The following MLXIPL variants were observed in gnomAD, a reference collection of about 807,000 sequenced individuals.
The protein encoded by MLXIPL is carbohydrate-responsive element-binding protein.
Under a neutral mutation model 81.5 loss-of-function variants are expected in MLXIPL, and 49 were observed. The observed-to-expected ratio is 0.60, with a 90% confidence interval of 0.48 to 0.76. The LOEUF is 0.76. Ranked by LOEUF, MLXIPL falls within the 30% of genes least tolerant of loss-of-function variation. The pLI, the probability that MLXIPL is intolerant of heterozygous loss-of-function variation, is 0.00. For synonymous variants in MLXIPL, 466 were observed against 485.5 expected, an observed-to-expected ratio of 0.96 and a Z score of 0.53; for missense variants, 1,053 against 1,167.0, an observed-to-expected ratio of 0.90 and a Z score of 1.42.
chr7:73,616,634 G>T (rs1461415472), intron 1 of MLXIPL, among the ~76,000 whole-genome samples: 8 of 152,066 alleles, frequency 5.3e-5, no homozygotes, highest in African/African-American at 1.9e-4. Context: ...GATCGCCTGA[G>T]GTCAGGAGTT....
At chr7:73,607,235 G>T (rs1795357369) in intron 4 of MLXIPL, 96 bp downstream of exon 4, 1 of 1,365,000 alleles carries the variant, frequency 7.3e-7, no homozygotes, top group Non-Finnish European at 1.0e-6. Flanking sequence ...CAAGCTCGGG[G>T]GTCAGGATCC....
At chr7:73,629,931 G>C in the MLXIPL span, among the ~76,000 whole-genome samples, 1 of 151,962 alleles carries the variant, frequency 6.6e-6, no homozygotes, top group African/African-American at 2.4e-5. Context: ...TAGCAGGTCC[G>C]CAGGATCTTC....
At chr7:73,627,755 C>T (rs62466318), upstream of MLXIPL, among the ~76,000 whole-genome samples, 24,864 of 151,938 alleles carry the variant, frequency 0.16, 2,137 homozygotes, top group Non-Finnish European at 0.19. Flanking sequence ...CTAAGAGGAG[C>T]GGGTGGGGTG....
chr7:73,596,421 G>A lies in MLXIPL; in HGVS notation c.1881C>T (p.Ser627=), dbSNP rs142457635. Residue 627 remains serine (S), a synonymous_variant, in exon 12 of 17, where the codon AGC becomes AGT. Coordinates refer to ENST00000313375, the MANE Select transcript of MLXIPL (RefSeq NM_032951.3). The surrounding 1 kb of genome is among the most constrained non-coding windows in gnomAD (Gnocchi z 4.7). ...TGGGTTGCGGGGGAGAGACACGGACGCTCAGAGTCCCAGGGCCTGGCATGG... is the reference window on the plus strand; with the variant it reads ...TGGGTTGCGGGGGAGAGACACGGACACTCAGAGTCCCAGGGCCTGGCATGG... ...LSSMPGPGTL[S]VRVSPPQPIL... 23 of 1,612,734 alleles carry A rather than the reference G, an allele frequency of 1.4e-5. No individual in the cohort carries two copies. The highest frequency in any genetic ancestry group is 2.2e-5 in the East Asian group (1 of 44,848).
In MLXIPL at chr7:73,607,273, G is replaced by A. The variant is rs868925879; in HGVS notation, c.573+58C>T. ...TTTCCAGGGATCTTCCGAGGCGGGC[G>A]GTAGCCGGCAGCCGCAGGAGGAAAG... On this transcript the variant is annotated intron_variant, in intron 4 of 16. Transcript: ENST00000313375. 19 of 1,498,624 alleles carry A rather than the reference G, an allele frequency of 1.3e-5. No homozygotes were observed. In the Middle Eastern group the frequency reaches 6.8e-4, roughly 54 times the overall value. The allele number at this position is 1,498,624 out of a possible 1,614,324, so 92.8% of individuals were successfully genotyped here. A position where few individuals can be genotyped will look rare whatever the true frequency, so the allele number is the denominator to read the frequency against.
chr7:73,624,074 G>T, intron 1 of MLXIPL, 126 bp downstream of exon 1: 1 of 1,300,122 alleles, frequency 7.7e-7, no homozygotes, highest in Non-Finnish European at 1.0e-6. Context: ...CGTGATCGGA[G>T]CCTCCGGGAG....
In MLXIPL at chr7:73,623,238, A is replaced by G. The variant is rs1554602693; in HGVS notation, c.293+962T>C. On this transcript the variant is annotated intron_variant, in intron 1 of 16. Coordinates refer to ENST00000313375, the MANE Select transcript of MLXIPL (RefSeq NM_032951.3). This position sits in a 1 kb window ranked among gnomAD's most constrained non-coding sequence, Gnocchi z 5.7. ...TGCCGATCTGTAGCCAGCGGTTCTC[A>G]GAAGGGGAGGAGGCGCCGCGGAGGA... Among the ~76,000 whole-genome samples the G allele has an allele frequency of 6.6e-6, 1 of 152,218 alleles. No individual in the cohort carries two copies. Among genetic ancestry groups the G allele is most frequent in the Non-Finnish European group, 1.5e-5 (1 of 68,036 alleles).
At chr7:73,628,709 C>G (rs548157100), upstream of MLXIPL, among the ~76,000 whole-genome samples, 1 of 152,358 alleles carries the variant, frequency 6.6e-6, no homozygotes, top group African/African-American at 2.4e-5. Flanking sequence ...CAGATAATAG[C>G]ACAGCCATGT....
Position 73,595,882 on chromosome 7 carries a change from G to T in MLXIPL, c.2146C>A (p.Gln716Lys), listed in dbSNP as rs1433081172. The part of the protein sequence containing the change: ...ERAGLQEEAQ[Q>K]LRDEIEELNA... ...AGCTCCTCAATCTCATCCCGCAGCT[G>T]CTGGGCCTCCTCCTGCAAGCCCGCA... The change falls in exon 14 of 17, where the codon CAG (glutamine) becomes AAG (lysine). Residue 716 changes from glutamine to lysine, a missense_variant. Gln to Lys is a moderately conservative substitution (Grantham distance 53). Coordinates refer to ENST00000313375, the MANE Select transcript of MLXIPL (RefSeq NM_032951.3). The T allele has an allele frequency of 6.2e-7, 1 of 1,612,188 alleles. No individual in the cohort carries two copies. The highest frequency in any genetic ancestry group is 8.5e-7 in the Non-Finnish European group (1 of 1,179,500).
rs1794289606 is a variant in MLXIPL at position 73,596,278 on chromosome 7, G to A, written c.1939-6C>T. 6.2e-7 allele frequency: 1 copy of A among 1,613,396 alleles called. No individual in the cohort carries two copies. Among genetic ancestry groups the A allele is most frequent in the Non-Finnish European group, 8.5e-7 (1 of 1,179,880 alleles). The stretch of plus-strand genomic sequence containing the variant: ...GTGATACGCCGGTTCTCGGTCTCGG[G>A]GAGCAGAGAGTTGGGTGAGCCTAGG... On this transcript the variant is annotated splice_polypyrimidine_tract_variant and splice_region_variant and intron_variant, in intron 12 of 16. Coordinates refer to ENST00000313375, the MANE Select transcript of MLXIPL (RefSeq NM_032951.3). The surrounding 1 kb of genome is among the most constrained non-coding windows in gnomAD (Gnocchi z 4.7).
intron 6 of MLXIPL, 68 bp from the exon 7 acceptor site, chr7:73,605,836 A>G: frequency 6.4e-7 from 1 of 1,572,564 alleles, no homozygotes; most frequent in South Asian, 1.1e-5. Context: ...CCCCATCCCC[A>G]GCCATCCCTC....
intron 7 of MLXIPL, among the ~76,000 whole-genome samples, chr7:73,601,486 A>G (rs1794817917): frequency 6.6e-6 from 1 of 152,022 alleles, no homozygotes; most frequent in Admixed American, 6.6e-5. Context: ...CTGCTGGTAC[A>G]GAAAGGAGGT....
upstream of MLXIPL, among the ~76,000 whole-genome samples, chr7:73,624,729 A>C (rs1796628054): frequency 6.6e-6 from 1 of 152,066 alleles, no homozygotes; most frequent in Admixed American, 6.6e-5. Flanking sequence ...TGGAGTCCTG[A>C]TAGAGCCGCC....
chr7:73,594,977 T>C (rs1270591954), intron 15 of MLXIPL, among the ~76,000 whole-genome samples: 1 of 151,746 alleles, frequency 6.6e-6, no homozygotes, highest in Non-Finnish European at 1.5e-5. Flanking sequence ...TCCCGAGTAG[T>C]TGGGATTACA....
At chr7:73,629,981 TA>T in the MLXIPL span, among the ~76,000 whole-genome samples, 4 of 144,348 alleles carry the variant, frequency 2.8e-5, no homozygotes, top group Non-Finnish European at 4.5e-5. Context: ...TATTTTTATT[TA>T]TTTATTTATT....
At chr7:73,644,539 T>C in the MLXIPL span, among the ~76,000 whole-genome samples, 1 of 152,186 alleles carries the variant, frequency 6.6e-6, no homozygotes, top group Admixed American at 6.6e-5. Flanking sequence ...TGGCTATGAC[T>C]ATGTGATGTT....
intron 7 of MLXIPL, among the ~76,000 whole-genome samples, chr7:73,604,453 G>A (rs1178707070): frequency 6.7e-6 from 1 of 149,236 alleles, no homozygotes; most frequent in African/African-American, 2.5e-5. Flanking sequence ...CGTGCCTGTG[G>A]TCCCAGCTAC....
rs1554602904 is a variant in MLXIPL at position 73,623,986 on chromosome 7, T to A, written c.293+214A>T. Among the ~76,000 whole-genome samples the A allele has an allele frequency of 6.6e-6, 1 of 150,728 alleles. No homozygotes were observed. The highest frequency in any genetic ancestry group is 1.5e-5 in the Non-Finnish European group (1 of 67,768). Reference sequence around the variant, plus strand: ...ATGGGGGAGGAATGGGAATCAGAAATGCGTGGGTCCGTCAGGGGCCAGCGG... The same window carrying A: ...ATGGGGGAGGAATGGGAATCAGAAAAGCGTGGGTCCGTCAGGGGCCAGCGG... On this transcript the variant is annotated intron_variant, in intron 1 of 16. Coordinates refer to ENST00000313375, the MANE Select transcript of MLXIPL (RefSeq NM_032951.3). This position sits in a 1 kb window ranked among gnomAD's most constrained non-coding sequence, Gnocchi z 5.7.
rs199908941 is a variant in MLXIPL, at chr7:73,596,438, C to T, written c.1864G>A (p.Gly622Ser). 10 of 1,612,848 alleles carry T rather than the reference C, an allele frequency of 6.2e-6. No homozygotes were observed. Among genetic ancestry groups the T allele is most frequent in the Non-Finnish European group, 8.5e-6 (10 of 1,179,968 alleles). The stretch of plus-strand genomic sequence containing the variant: ...ACACGGACGCTCAGAGTCCCAGGGC[C>T]TGGCATGGAGCTGAGGTCCCCTGAC... ...RLSGDLSSMPGPGTLSVRVSP... is the reference protein window; with the variant it reads ...RLSGDLSSMPSPGTLSVRVSP... Residue 622 changes from glycine to serine, a missense_variant, in exon 12 of 17, where the codon GGC becomes AGC. Gly to Ser is a moderately conservative substitution (Grantham distance 56). Transcript: ENST00000313375. The surrounding 1 kb of genome is among the most constrained non-coding windows in gnomAD (Gnocchi z 4.7).
Sources: allele counts gnomAD v4.1 joint callset (sites outside exome capture counted in the v4.1 genomes callset), GRCh38; gene constraint gnomAD v4.1.1; non-coding constraint Gnocchi (gnomAD v3.1); transcripts MANE v1.5; gene names NCBI Gene and HGNC (gene_info 2026-07-23, HGNC 2026-07-21).